GALNT17: variants seen among roughly 807,000 people sequenced by gnomAD.
GALNT17 encodes the protein UDP-GalNAc:polypeptide N-acetylgalactosaminyltransferase-like 3.
In GALNT17, 29 loss-of-function variants were observed where a neutral mutation model predicts 63.7. The observed-to-expected ratio is 0.46, with a 90% confidence interval of 0.34 to 0.62. The LOEUF is 0.62. Among genes scored for constraint, GALNT17 ranks in the 20% least tolerant of loss-of-function variants. The pLI is 0.01. For synonymous variants in GALNT17, 305 were observed against 318.3 expected (o/e 0.96, Z 0.45); for missense variants, 603 against 799.6 (o/e 0.75, Z 2.97).
chr7:71,528,446 G>T (rs892000719), intron 5 of GALNT17, among the ~76,000 whole-genome samples: 2 of 152,192 alleles, frequency 1.3e-5, no homozygotes, highest in Admixed American at 6.5e-5. Flanking sequence ...TAAGGTCATG[G>T]TTGCCCATGT....
At chr7:71,321,879 CTT>C (rs1791614406) in intron 1 of GALNT17, among the ~76,000 whole-genome samples, 1 of 65,202 alleles carries the variant, frequency 1.5e-5, no homozygotes, top group Non-Finnish European at 2.9e-5. Context: ...TCCTTCCTTC[CTT>C]CCTTCCTTCC....
chr7:71,149,398 C>G (rs1302530418), intron 1 of GALNT17, among the ~76,000 whole-genome samples: 3 of 152,070 alleles, frequency 2.0e-5, no homozygotes, highest in African/African-American at 7.2e-5. Context: ...GTCTCCTTTG[C>G]GAAGTTGGTA....
At chr7:71,294,037 C>T (rs1387504183) in intron 1 of GALNT17, among the ~76,000 whole-genome samples, 2 of 151,992 alleles carry the variant, frequency 1.3e-5, no homozygotes, top group East Asian at 1.9e-4. Context: ...TGGCGGGTGC[C>T]TGTAGTCCCA....
In GALNT17 at chr7:71,421,257, T is replaced by C. The variant is rs1786659358; in HGVS notation, c.962+152T>C. On this transcript the variant is annotated intron_variant, in intron 5 of 10. Coordinates refer to ENST00000333538, the MANE Select transcript of GALNT17 (RefSeq NM_022479.3). ...CCGCCGTTGTCTCAGGATCACAGCTTTCCTGCAGAGGGAGGATGTTGCATT... is the reference window on the plus strand; with the variant it reads ...CCGCCGTTGTCTCAGGATCACAGCTCTCCTGCAGAGGGAGGATGTTGCATT... The C allele has an allele frequency of 5.4e-5, 42 of 783,868 alleles. No individual in the cohort carries two copies. In the South Asian group the frequency reaches 7.7e-4, roughly 14 times the overall value. The allele number at this position is 783,868 out of a possible 1,614,324, so 48.6% of individuals were successfully genotyped here. A position where few individuals can be genotyped will look rare whatever the true frequency, so the allele number is the denominator to read the frequency against.
intron 2 of GALNT17, among the ~76,000 whole-genome samples, chr7:71,336,713 C>T (rs1414992620): frequency 6.6e-6 from 1 of 152,184 alleles, no homozygotes; most frequent in Non-Finnish European, 1.5e-5. Context: ...TGTATATGTG[C>T]CACATTTTCT....
At chr7:71,546,009 C>T (rs1196113257) in intron 5 of GALNT17, among the ~76,000 whole-genome samples, 1 of 152,004 alleles carries the variant, frequency 6.6e-6, no homozygotes, top group African/African-American at 2.4e-5. Flanking sequence ...CCTGTAATCC[C>T]AGTACTTTGG....
intron 10 of GALNT17, 132 bp from the exon 11 acceptor site, chr7:71,711,886 C>G (rs1791798887): frequency 4.0e-6 from 4 of 1,006,426 alleles, no homozygotes; most frequent in South Asian, 1.5e-5. Flanking sequence ...CTGTCTCTCT[C>G]TTTCTCTTCT....
chr7:71,323,695 C>T (rs759523958), intron 1 of GALNT17, among the ~76,000 whole-genome samples: 1 of 152,158 alleles, frequency 6.6e-6, no homozygotes, highest in Non-Finnish European at 1.5e-5. Flanking sequence ...TGACATGTCA[C>T]CAGGAGATTT....
At chr7:71,357,677 T>A (rs1792312467) in intron 2 of GALNT17, among the ~76,000 whole-genome samples, 1 of 152,010 alleles carries the variant, frequency 6.6e-6, no homozygotes, top group Non-Finnish European at 1.5e-5. Context: ...GAGGTCAAGG[T>A]GGGTGGATCA....
chr7:71,375,414 C>T (rs773147714), intron 2 of GALNT17, among the ~76,000 whole-genome samples: 51 of 151,818 alleles, frequency 3.4e-4, no homozygotes, highest in Non-Finnish European at 6.3e-4. Flanking sequence ...TGAGTGAGAG[C>T]AAAGGGTTTT....
intron 6 of GALNT17, among the ~76,000 whole-genome samples, chr7:71,587,495 G>A (rs1789736805): frequency 1.3e-5 from 2 of 151,994 alleles, no homozygotes; most frequent in South Asian, 2.1e-4. Context: ...GGGGTCTGTG[G>A]TATGTATTCT....
At chr7:71,342,332 A>G (rs767597398) in intron 2 of GALNT17, among the ~76,000 whole-genome samples, 27 of 152,034 alleles carry the variant, frequency 1.8e-4, no homozygotes, top group Non-Finnish European at 3.7e-4. Context: ...AAACAACAAA[A>G]TCTCATGTGA....
At chr7:71,493,746 C>T (rs1249458240) in intron 5 of GALNT17, among the ~76,000 whole-genome samples, 3 of 152,156 alleles carry the variant, frequency 2.0e-5, no homozygotes, top group African/African-American at 7.2e-5. Context: ...CCTATCAGTG[C>T]CTTTTCTTCC....
chr7:71,683,006 T>A (rs145244817), intron 9 of GALNT17, among the ~76,000 whole-genome samples: 1 of 152,064 alleles, frequency 6.6e-6, no homozygotes, highest in Non-Finnish European at 1.5e-5. Flanking sequence ...GCCCCTTTGT[T>A]AGGAAATGGC....
chr7:71,681,702 C>T (rs1584134536), intron 9 of GALNT17, among the ~76,000 whole-genome samples: 2 of 152,286 alleles, frequency 1.3e-5, no homozygotes, highest in South Asian at 2.1e-4. Context: ...CTGAATAAGT[C>T]ACATTTGAAT....
chr7:71,252,775 C>T (rs1790223309), intron 1 of GALNT17, among the ~76,000 whole-genome samples: 1 of 152,156 alleles, frequency 6.6e-6, no homozygotes, highest in Admixed American at 6.5e-5. Context: ...AACCGGCTTC[C>T]CATTTTGTTC....
intron 1 of GALNT17, among the ~76,000 whole-genome samples, chr7:71,193,850 ATGTGT>A (rs748685357): frequency 1.3e-5 from 2 of 152,154 alleles, no homozygotes; most frequent in Non-Finnish European, 2.9e-5. Context: ...TAATAAAATA[ATGTGT>A]TGTGGTCCAC....
At chr7:71,179,241 C>T (rs1443555375) in intron 1 of GALNT17, among the ~76,000 whole-genome samples, 2 of 152,184 alleles carry the variant, frequency 1.3e-5, no homozygotes, top group Non-Finnish European at 2.9e-5. Flanking sequence ...ATCAGAAACT[C>T]AAAAGAATGC....
intron 1 of GALNT17, among the ~76,000 whole-genome samples, chr7:71,298,738 G>A (rs1305825851): frequency 1.4e-5 from 2 of 138,646 alleles, no homozygotes; most frequent in South Asian, 2.2e-4. Context: ...GTGTGTGTGT[G>A]TATGTATGTG....
Sources: allele counts gnomAD v4.1 joint callset (sites outside exome capture counted in the v4.1 genomes callset), GRCh38; gene constraint gnomAD v4.1.1; transcripts MANE v1.5; gene names NCBI Gene and HGNC (gene_info 2026-07-23, HGNC 2026-07-21).